Variants in TRAPPC9 observed in about 807,000 individuals in gnomAD.
The protein encoded by TRAPPC9 is IKK2 binding protein.
TRAPPC9 carries 83 observed loss-of-function variants against 124.0 expected under a neutral mutation model. The observed-to-expected ratio is 0.67, with a 90% CI of 0.56 to 0.80. The LOEUF (loss-of-function observed/expected upper bound fraction) is 0.80, where lower values mean the gene tolerates loss of function less well. TRAPPC9 is among the 30% of genes least tolerant of loss of function. The pLI is 0.00. For missense variants in TRAPPC9, 1,302 were observed against 1,508.3 expected (o/e 0.86, Z 2.27); for synonymous variants, 638 against 617.5 (o/e 1.03, Z -0.49).
intron 21 of TRAPPC9, among the ~76,000 whole-genome samples, chr8:139,766,703 T>C (rs1440000841): frequency 6.6e-6 from 1 of 152,064 alleles, no homozygotes; most frequent in African/African-American, 2.4e-5. Context: ...GTTTCTATCA[T>C]TAAGGTCCCC....
At chr8:140,239,184 C>T (rs2063800812) in intron 16 of TRAPPC9, among the ~76,000 whole-genome samples, 1 of 152,242 alleles carries the variant, frequency 6.6e-6, no homozygotes, top group Non-Finnish European at 1.5e-5. Flanking sequence ...AAGCCCCACG[C>T]CAGCCTCCAC....
At chr8:139,898,956 C>T (rs1481913852) in intron 20 of TRAPPC9, among the ~76,000 whole-genome samples, 2 of 151,680 alleles carry the variant, frequency 1.3e-5, no homozygotes, top group Non-Finnish European at 2.9e-5. Context: ...CCCGTCTCCA[C>T]TAAAAATACA....
intron 21 of TRAPPC9, among the ~76,000 whole-genome samples, chr8:139,838,053 T>C (rs565293253): frequency 1.3e-5 from 2 of 152,212 alleles, no homozygotes; most frequent in South Asian, 2.1e-4. Context: ...TCTAAAGGGC[T>C]CGCTGCACCC....
At chr8:140,332,220 A>G (rs2066912046) in intron 9 of TRAPPC9, among the ~76,000 whole-genome samples, 1 of 152,240 alleles carries the variant, frequency 6.6e-6, no homozygotes, top group South Asian at 2.1e-4. Flanking sequence ...GTTAAGTAAA[A>G]TAAGCCAGGC....
chr8:140,408,372 C>G (rs1330254389), intron 5 of TRAPPC9, among the ~76,000 whole-genome samples: 1 of 152,130 alleles, frequency 6.6e-6, no homozygotes, highest in Non-Finnish European at 1.5e-5. Context: ...GAGATAGGTA[C>G]TGAGCTGCTA....
intron 1 of TRAPPC9, among the ~76,000 whole-genome samples, chr8:140,453,476 T>C (rs537045955): frequency 1.5e-4 from 11 of 71,192 alleles, no homozygotes; most frequent in African/African-American, 5.6e-4. Context: ...GCTTCTCACC[T>C]GCACGGAGAG....
intron 2 of TRAPPC9, among the ~76,000 whole-genome samples, chr8:140,444,693 C>A (rs527319186): frequency 3.3e-5 from 5 of 152,060 alleles, no homozygotes; most frequent in South Asian, 4.2e-4. Flanking sequence ...AGACCCCCCC[C>A]ATCTCTACTA....
At chr8:140,440,377 C>T (rs1294419408) in intron 2 of TRAPPC9, among the ~76,000 whole-genome samples, 2 of 151,786 alleles carry the variant, frequency 1.3e-5, no homozygotes, top group Non-Finnish European at 2.9e-5. Flanking sequence ...CGTGGTGGCA[C>T]GCGCCTGTAG....
intron 21 of TRAPPC9, among the ~76,000 whole-genome samples, chr8:139,835,573 G>A (rs1159380082): frequency 6.6e-6 from 1 of 152,222 alleles, no homozygotes; most frequent in African/African-American, 2.4e-5. Flanking sequence ...GGACAGTGGG[G>A]AAAGCAGCAA....
chr8:139,791,130 A>G (rs1162878130), intron 21 of TRAPPC9, among the ~76,000 whole-genome samples: 1 of 152,158 alleles, frequency 6.6e-6, no homozygotes, highest in South Asian at 2.1e-4. Context: ...CGGGGCTCCC[A>G]GGGGAGTGCA....
At chr8:140,025,223 C>T (rs548399071) in intron 17 of TRAPPC9, among the ~76,000 whole-genome samples, 42 of 152,362 alleles carry the variant, frequency 2.8e-4, no homozygotes, top group Non-Finnish European at 4.3e-4. Context: ...GGTTCCCCTC[C>T]GGACTGAAGG....
intron 21 of TRAPPC9, among the ~76,000 whole-genome samples, chr8:139,833,509 C>A (rs1826121153): frequency 6.6e-6 from 1 of 152,224 alleles, no homozygotes; most frequent in Non-Finnish European, 1.5e-5. Flanking sequence ...GCCACGGCAC[C>A]TGGCTGACTT....
intron 1 of TRAPPC9, among the ~76,000 whole-genome samples, chr8:140,456,229 G>C (rs776267837): frequency 6.6e-6 from 1 of 152,086 alleles, no homozygotes; most frequent in Non-Finnish European, 1.5e-5. Flanking sequence ...CCAACAGAGT[G>C]AAACCCCGTC....
At position 139,788,992 on chromosome 8, in the gene TRAPPC9, T is replaced by C. The variant is rs1357958633; in HGVS notation, c.3056-56790A>G. Among the ~76,000 whole-genome samples, 6 of 152,208 alleles carry C rather than the reference T, an allele frequency of 3.9e-5. No individual in the cohort carries two copies. The highest frequency in any genetic ancestry group is 2.6e-4 in the Admixed American group (4 of 15,284). On this transcript the variant is annotated intron_variant, in intron 21 of 22. Transcript: ENST00000438773. This position sits in a 1 kb window ranked among gnomAD's most constrained non-coding sequence, Gnocchi z 4.9. The stretch of plus-strand genomic sequence containing the variant: ...ACACTGAATTCTTTCTGAGAAACAT[T>C]CTATCCATGAAGATGCAAACAAATT...
At chr8:140,124,600 G>A (rs1227263797) in intron 17 of TRAPPC9, among the ~76,000 whole-genome samples, 1 of 152,182 alleles carries the variant, frequency 6.6e-6, no homozygotes, top group African/African-American at 2.4e-5. Flanking sequence ...ATGTGCCCCG[G>A]CCATTCACAG....
At chr8:140,196,244 A>C (rs111759884) in intron 17 of TRAPPC9, among the ~76,000 whole-genome samples, 4 of 830 alleles carry the variant, frequency 4.8e-3, no homozygotes, top group Non-Finnish European at 7.7e-3. Context: ...CACCATACAG[A>C]TCACACCTGT....
chr8:140,233,623 C>CCACACAAACACA (rs2063659548), intron 16 of TRAPPC9, among the ~76,000 whole-genome samples: 1 of 90,848 alleles, frequency 1.1e-5, no homozygotes, highest in African/African-American at 4.4e-5. Context: ...TCTCTCCCCA[C>CCACACAAACACA]CACACACACA....
chr8:140,006,239 T>C (rs1326527801), intron 18 of TRAPPC9, among the ~76,000 whole-genome samples: 1 of 152,214 alleles, frequency 6.6e-6, no homozygotes, highest in African/African-American at 2.4e-5. Flanking sequence ...TTGAAGACAG[T>C]AAGGATAACT....
intron 17 of TRAPPC9, among the ~76,000 whole-genome samples, chr8:140,055,617 A>G (rs1842247889): frequency 6.6e-6 from 1 of 152,232 alleles, no homozygotes; most frequent in East Asian, 1.9e-4. Flanking sequence ...TCCAGAAAAC[A>G]TTACTCTACA....
Sources: allele counts gnomAD v4.1 joint callset (sites outside exome capture counted in the v4.1 genomes callset), GRCh38; gene constraint gnomAD v4.1.1; non-coding constraint Gnocchi (gnomAD v3.1); transcripts MANE v1.5; gene names NCBI Gene and HGNC (gene_info 2026-07-23, HGNC 2026-07-21).